Variants in CNTN5 observed in about 807,000 individuals in gnomAD.
The protein encoded by CNTN5 is contactin 5, also known as contactin-5.
Under a neutral mutation model 129.1 loss-of-function variants are expected in CNTN5, and 77 were observed. The observed-to-expected ratio is 0.60, with a 90% CI of 0.50 to 0.72. The LOEUF (loss-of-function observed/expected upper bound fraction) is 0.72, where lower values mean the gene tolerates loss of function less well. Among genes scored for constraint, CNTN5 ranks in the 30% least tolerant of loss-of-function variants. CNTN5 has a pLI of 0.00. For missense variants in CNTN5, 1,478 were observed against 1,328.8 expected (o/e 1.11, Z -1.75); for synonymous variants, 509 against 465.6 (o/e 1.09, Z -1.20).
At chr11:99,189,122 C>G (rs1858502589) in intron 1 of CNTN5, among the ~76,000 whole-genome samples, 1 of 151,594 alleles carries the variant, frequency 6.6e-6, no homozygotes, top group South Asian at 2.1e-4. Context: ...TAACTTAAAA[C>G]AATGTCCTCC....
At chr11:99,281,024 T>C (rs1863671634) in intron 1 of CNTN5, among the ~76,000 whole-genome samples, 1 of 151,772 alleles carries the variant, frequency 6.6e-6, no homozygotes, top group Non-Finnish European at 1.5e-5. Context: ...AGTGCATGGA[T>C]TGATCAATAG....
chr11:99,366,378 T>A (rs1380172650), intron 2 of CNTN5, among the ~76,000 whole-genome samples: 1 of 152,202 alleles, frequency 6.6e-6, no homozygotes, highest in Non-Finnish European at 1.5e-5. Flanking sequence ...TTTATTTTAA[T>A]GTTTAATAAG....
chr11:99,695,822 T>C (rs1189118955), intron 3 of CNTN5, among the ~76,000 whole-genome samples: 1 of 152,228 alleles, frequency 6.6e-6, no homozygotes, highest in Non-Finnish European at 1.5e-5. Context: ...TATAACCTTA[T>C]GCAAATTACT....
At chr11:99,116,252 TG>T in intron 1 of CNTN5, among the ~76,000 whole-genome samples, 1 of 152,338 alleles carries the variant, frequency 6.6e-6, no homozygotes, top group African/African-American at 2.4e-5. Flanking sequence ...TTATTTGTTG[TG>T]GCATTTTCCA....
intron 1 of CNTN5, among the ~76,000 whole-genome samples, chr11:99,264,438 T>G (rs1160611476): frequency 1.3e-5 from 2 of 152,016 alleles, no homozygotes; most frequent in Non-Finnish European, 2.9e-5. Context: ...TGAGTTAAAG[T>G]CTTACCATCC....
At chr11:99,120,851 C>T (rs1188398360) in intron 1 of CNTN5, among the ~76,000 whole-genome samples, 2 of 152,092 alleles carry the variant, frequency 1.3e-5, no homozygotes, top group Non-Finnish European at 2.9e-5. Context: ...TTGGACAGGA[C>T]TTTGGGTTAA....
rs576865426 is a variant in CNTN5, at chr11:99,732,467, C to T, written c.56-87077C>T. Among the ~76,000 whole-genome samples the T allele has an allele frequency of 5.7e-4, 78 of 136,548 alleles. No individual in the cohort carries two copies. In the South Asian group the frequency reaches 0.017, roughly 31 times the overall value. 89.6% of individuals were successfully genotyped at this position (136,548 alleles called of 152,430 possible). Reference sequence around the variant, plus strand: ...CAGTATAATAACTGAGTACATTGTACAGTTCTAAAAATAAGCCTTAAATTT... The same window carrying T: ...CAGTATAATAACTGAGTACATTGTATAGTTCTAAAAATAAGCCTTAAATTT... On this transcript the variant is annotated intron_variant, in intron 3 of 24. Coordinates refer to ENST00000524871, the MANE Select transcript of CNTN5 (RefSeq NM_014361.4).
chr11:99,168,429 T>A (rs7111418), intron 1 of CNTN5, among the ~76,000 whole-genome samples: 101,976 of 151,646 alleles, frequency 0.67, 34,657 homozygotes, highest in East Asian at 0.94. Flanking sequence ...AATACAAAAA[T>A]ATTAGCCAGG....
intron 9 of CNTN5, among the ~76,000 whole-genome samples, chr11:100,033,118 C>T (rs11823296): frequency 0.042 from 6,332 of 152,184 alleles, 156 homozygotes; most frequent in African/African-American, 0.07. Context: ...TTTAACATCT[C>T]CACTTTTGAC....
intron 9 of CNTN5, among the ~76,000 whole-genome samples, chr11:100,041,252 G>T (rs915233691): frequency 6.6e-6 from 1 of 151,972 alleles, no homozygotes; most frequent in Non-Finnish European, 1.5e-5. Flanking sequence ...ATGCAAGTCT[G>T]AACAAAAACA....
chr11:99,931,742 T>A (rs554128324), intron 7 of CNTN5, among the ~76,000 whole-genome samples: 2 of 152,262 alleles, frequency 1.3e-5, no homozygotes, highest in Admixed American at 1.3e-4. Context: ...TGCAGACAAG[T>A]TAGTGTGCAA....
rs577714764 is a variant in CNTN5, at chr11:99,106,392, G to A, written c.-210+85122G>A. On this transcript the variant is annotated intron_variant, in intron 1 of 24. Coordinates refer to ENST00000524871, the MANE Select transcript of CNTN5 (RefSeq NM_014361.4). ...ATGGTTTGGCCATTGGGAACTGTGT[G>A]CAGTATTATAAAAATTATGAATATG... Among the ~76,000 whole-genome samples, 4 of 152,082 alleles carry A rather than the reference G, an allele frequency of 2.6e-5. No individual in the cohort carries two copies. The South Asian group carries it at 8.3e-4, about 32-fold the overall frequency.
At chr11:100,010,414 A>G (rs1029517602) in intron 9 of CNTN5, among the ~76,000 whole-genome samples, 1 of 152,114 alleles carries the variant, frequency 6.6e-6, no homozygotes, top group Admixed American at 6.6e-5. Flanking sequence ...GTGGGACACA[A>G]TGAAGCCTCT....
chr11:99,408,534 A>G (rs1026427066), intron 2 of CNTN5, among the ~76,000 whole-genome samples: 1 of 131,728 alleles, frequency 7.6e-6, no homozygotes, highest in African/African-American at 2.7e-5. Flanking sequence ...GAGTCTCAAT[A>G]TGTTGCCTGG....
intron 1 of CNTN5, among the ~76,000 whole-genome samples, chr11:99,207,167 T>C (rs1859527496): frequency 6.6e-6 from 1 of 152,152 alleles, no homozygotes; most frequent in African/African-American, 2.4e-5. Flanking sequence ...TAGGGATACA[T>C]GAAATCTTTT....
rs373393370 is a variant in CNTN5, at chr11:99,154,945, C to G, written c.-210+133675C>G. On this transcript the variant is annotated intron_variant, in intron 1 of 24. Transcript: ENST00000524871. ...GTCCCTGGCTGTGCTCCACTACAGA[C>G]GGTCCTGCTCCACGTCCAGACAGTA... Among the ~76,000 whole-genome samples the G allele has an allele frequency of 3.3e-5, 5 of 152,162 alleles. No homozygotes were observed. The East Asian group carries it at 9.6e-4, about 29-fold the overall frequency.
intron 2 of CNTN5, among the ~76,000 whole-genome samples, chr11:99,471,102 T>C (rs2135274486): frequency 6.6e-6 from 1 of 151,816 alleles, no homozygotes; most frequent in Middle Eastern, 3.4e-3. Context: ...ACTTTCCAGA[T>C]ATATTTTTGG....
chr11:99,848,142 G>A (rs1287800717), intron 6 of CNTN5, among the ~76,000 whole-genome samples: 2 of 151,240 alleles, frequency 1.3e-5, no homozygotes, highest in Non-Finnish European at 1.5e-5. Flanking sequence ...CCCGGGAGGC[G>A]GAGCTTGCAG....
intron 2 of CNTN5, among the ~76,000 whole-genome samples, chr11:99,328,345 A>G (rs564571213): frequency 3.4e-4 from 52 of 152,304 alleles, no homozygotes; most frequent in African/African-American, 1.2e-3. Flanking sequence ...ATGTGTCCAG[A>G]TGAATGAAAA....
Sources: gnomAD v4.1 joint callset for allele counts (sites outside exome capture counted in the v4.1 genomes callset) on GRCh38, gnomAD v4.1.1 for gene constraint, MANE v1.5 for transcripts, NCBI Gene and HGNC (gene_info 2026-07-23, HGNC 2026-07-21) for gene names.